Variants in RADIL observed in about 807,000 individuals in gnomAD.
The protein encoded by RADIL is ras-associating and dilute domain-containing protein.
Under a neutral mutation model 97.6 loss-of-function variants are expected in RADIL, and 99 were observed. The ratio of observed to expected loss-of-function variants is 1.01; its 90% confidence interval spans 0.86 to 1.20. The LOEUF is 1.20. RADIL is among the 50% of genes most tolerant of loss of function. RADIL has a pLI of 0.00. For synonymous variants in RADIL, 803 were observed against 691.8 expected, an observed-to-expected ratio of 1.16 and a Z score of -2.52; for missense variants, 1,765 against 1,498.9, an observed-to-expected ratio of 1.18 and a Z score of -2.93.
intron 2 of RADIL, among the ~76,000 whole-genome samples, chr7:4,876,228 A>C (rs1784373460): frequency 6.6e-6 from 1 of 151,982 alleles, no homozygotes; most frequent in South Asian, 2.1e-4. Context: ...GGCTCAAGCG[A>C]TCCTCCTACC....
chr7:4,828,311 T>C (rs1443115032), intron 5 of RADIL, among the ~76,000 whole-genome samples: 1 of 152,122 alleles, frequency 6.6e-6, no homozygotes, highest in Non-Finnish European at 1.5e-5. Context: ...ACACAAAAAT[T>C]AGCTGGGCAT....
intron 9 of RADIL, chr7:4,809,101 G>C: frequency 1.0e-6 from 1 of 984,124 alleles, no homozygotes; most frequent in Non-Finnish European, 1.2e-6. Flanking sequence ...CTCTGCTCAG[G>C]ATGCGGGGCG....
At position 4,847,739 on chromosome 7, in the gene RADIL, C is replaced by CAAAAAAAAAAAAAAA. The variant is rs56177809; in HGVS notation, c.536-11149_536-11135dup. Among the ~76,000 whole-genome samples, 10 of 23,794 alleles carry CAAAAAAAAAAAAAAA rather than the reference C, an allele frequency of 4.2e-4. 2 individuals are homozygous for CAAAAAAAAAAAAAAA. The highest frequency in any genetic ancestry group is 7.3e-4 in the Non-Finnish European group (10 of 13,608). The allele number at this position is 23,794 out of a possible 152,430, so 15.6% of individuals were successfully genotyped here. ...TATGCTACGTGAAAAAAGCTAGATG[C>CAAAAAAAAAAAAAAA]AAAAAAAAAAAAAAAAAAAAAAAAA... is the stretch of plus-strand genomic sequence containing the variant. On this transcript the variant is annotated intron_variant, in intron 2 of 14. Transcript: ENST00000399583.
At chr7:4,826,433 T>C (rs544911190) in intron 5 of RADIL, among the ~76,000 whole-genome samples, 1 of 151,516 alleles carries the variant, frequency 6.6e-6, no homozygotes, top group African/African-American at 2.4e-5. Flanking sequence ...AAGGGGAGTT[T>C]TTAAAAATCC....
At position 4,832,191 on chromosome 7, in the gene RADIL, A is replaced by T; in HGVS notation, c.1417-13T>A. On this transcript the variant is annotated splice_polypyrimidine_tract_variant and intron_variant, in intron 4 of 14. Coordinates refer to ENST00000399583, the MANE Select transcript of RADIL (RefSeq NM_018059.5). Reference sequence around the variant, plus strand: ...CTTTGGTTTTCTCCTACAATTACAAAGCGGGAGAAAAAGCAAGTGAGCAAA... The same window carrying T: ...CTTTGGTTTTCTCCTACAATTACAATGCGGGAGAAAAAGCAAGTGAGCAAA... The T allele has an allele frequency of 6.2e-7, 1 of 1,610,046 alleles. No homozygotes were observed. Among genetic ancestry groups the T allele is most frequent in the South Asian group, 1.1e-5 (1 of 90,330 alleles).
Position 4,813,669 on chromosome 7 carries a change from G to A in RADIL, c.2139+1609C>T, listed in dbSNP as rs556997458. 6.6e-6 allele frequency among the ~76,000 whole-genome samples: 1 copy of A among 152,246 alleles called. No homozygotes were observed. Among genetic ancestry groups the A allele is most frequent in the Non-Finnish European group, 1.5e-5 (1 of 68,052 alleles). On this transcript the variant is annotated intron_variant, in intron 9 of 14. Coordinates refer to ENST00000399583, the MANE Select transcript of RADIL (RefSeq NM_018059.5). The surrounding 1 kb of genome is among the most constrained non-coding windows in gnomAD (Gnocchi z 5.0). ...GGAAAAGCAACAGGAACTTCAGTCA[G>A]CTCTTTGTGGAGGCTCACTCTCTCC...
chr7:4,804,038 A>G (rs1201188355), intron 10 of RADIL: 1 of 480,998 alleles, frequency 2.1e-6, no homozygotes, highest in African/African-American at 1.9e-5. Flanking sequence ...GCCGCTCTGC[A>G]CTGGGCCTGT....
intron 5 of RADIL, among the ~76,000 whole-genome samples, chr7:4,826,744 A>C (rs868168963): frequency 0.019 from 2,762 of 148,602 alleles, 32 homozygotes; most frequent in Middle Eastern, 0.039. Context: ...AAAAAAAAAA[A>C]CAAAAAAAAA....
chr7:4,862,763 G>A (rs1156744092), intron 2 of RADIL, among the ~76,000 whole-genome samples: 1 of 152,058 alleles, frequency 6.6e-6, no homozygotes, highest in Non-Finnish European at 1.5e-5. Flanking sequence ...CGGGCGTGGT[G>A]GTGCATGCCT....
chr7:4,830,735 C>T lies in RADIL; in HGVS notation c.1454+1406G>A, dbSNP rs141711929. 3.3e-3 allele frequency among the ~76,000 whole-genome samples: 499 copies of T among 152,196 alleles called. 7 individuals are homozygous for T. Among genetic ancestry groups the T allele is most frequent in the African/African-American group, 0.011 (473 of 41,522 alleles). On this transcript the variant is annotated intron_variant, in intron 5 of 14. Transcript: ENST00000399583. ...TCTACTAAAAATACAAAATTAGCGGCTGGGCGCGGTGGTTCACACCTGTAA... is the reference window on the plus strand; with the variant it reads ...TCTACTAAAAATACAAAATTAGCGGTTGGGCGCGGTGGTTCACACCTGTAA...
chr7:4,852,835 G>A (rs537823987), intron 2 of RADIL, among the ~76,000 whole-genome samples: 69 of 152,228 alleles, frequency 4.5e-4, no homozygotes, highest in Admixed American at 2.0e-3. Flanking sequence ...GAGCCACCGC[G>A]CCTGGCCCAT....
intron 2 of RADIL, among the ~76,000 whole-genome samples, chr7:4,863,613 A>T (rs1169838521): frequency 6.6e-6 from 1 of 152,260 alleles, no homozygotes; most frequent in Non-Finnish European, 1.5e-5. Flanking sequence ...CCCCAAATAC[A>T]TGTAAGAGGA....
Position 4,878,802 on chromosome 7 carries a change from C to A in RADIL, c.-64-599G>T, listed in dbSNP as rs2115055040. On this transcript the variant is annotated intron_variant, in intron 1 of 14. Transcript: ENST00000399583. This position sits in a 1 kb window ranked among gnomAD's most constrained non-coding sequence, Gnocchi z 4.1. ...GCAGTGAGCATCAAGGAGCGCCCCA[C>A]CCGGAGCCGGCCCCAGCACCATCAC... Among the ~76,000 whole-genome samples the A allele has an allele frequency of 6.6e-6, 1 of 152,352 alleles. No homozygotes were observed. The highest frequency in any genetic ancestry group is 1.9e-4 in the East Asian group (1 of 5,178).
At chr7:4,804,354 TCTC>T (rs932321181) in intron 10 of RADIL, among the ~76,000 whole-genome samples, 7 of 152,306 alleles carry the variant, frequency 4.6e-5, no homozygotes, top group Admixed American at 4.6e-4. Flanking sequence ...TCAGAGATGT[TCTC>T]CACGGTGACC....
At chr7:4,846,355 C>T (rs1283840167) in intron 2 of RADIL, among the ~76,000 whole-genome samples, 3 of 151,962 alleles carry the variant, frequency 2.0e-5, no homozygotes, top group Non-Finnish European at 2.9e-5. Context: ...CCATGTTGTC[C>T]AGTGTGGTCT....
Position 4,805,516 on chromosome 7 carries a change from G to A in RADIL, c.2290+50C>T, listed in dbSNP as rs114617481. On this transcript the variant is annotated intron_variant, in intron 10 of 14. Coordinates refer to ENST00000399583, the MANE Select transcript of RADIL (RefSeq NM_018059.5). ...AGCATGCTGCCTCCAGCCTCGGGGC[G>A]AGTCTCCCACTGAGTCCCCAGCCCT... is the stretch of plus-strand genomic sequence containing the variant. 4.7e-3 allele frequency: 7,080 copies of A among 1,498,224 alleles called. 255 individuals carry two copies. In the African/African-American group the frequency reaches 0.083, roughly 18 times the overall value. The allele number at this position is 1,498,224 out of a possible 1,614,324, so 92.8% of individuals were successfully genotyped here. A position where few individuals can be genotyped will look rare whatever the true frequency, so the allele number is the denominator to read the frequency against.
At chr7:4,838,167 G>T in intron 2 of RADIL, 1 of 603,692 alleles carries the variant, frequency 1.7e-6, no homozygotes, top group Non-Finnish European at 2.1e-6. Flanking sequence ...ACCCGGCCCA[G>T]CCTGGCAGGC....
At chr7:4,866,309 T>G (rs756943289) in intron 2 of RADIL, among the ~76,000 whole-genome samples, 8 of 152,200 alleles carry the variant, frequency 5.3e-5, no homozygotes, top group Non-Finnish European at 1.0e-4. Context: ...ATCTTTGTTT[T>G]GATTGCCTGC....
In RADIL at chr7:4,797,723, T is replaced by G. The variant is rs1781961520; in HGVS notation, c.*1655A>C. 6.6e-6 allele frequency: 1 copy of G among 152,232 alleles called. No homozygotes were observed. The highest frequency in any genetic ancestry group is 1.5e-5 in the Non-Finnish European group (1 of 68,030). 9.4% of individuals were successfully genotyped at this position (152,232 alleles called of 1,614,324 possible). A position where few individuals can be genotyped will look rare whatever the true frequency, so the allele number is the denominator to read the frequency against. ...AGGCCAGGCATGGTAATCCCACGCC[T>G]GTAATCCCAGCACTTTGGGAGGGCA... On this transcript the variant is annotated 3_prime_UTR_variant, in exon 15 of 15. Coordinates refer to ENST00000399583, the MANE Select transcript of RADIL (RefSeq NM_018059.5).
Sources: allele counts gnomAD v4.1 joint callset (sites outside exome capture counted in the v4.1 genomes callset), GRCh38; gene constraint gnomAD v4.1.1; non-coding constraint Gnocchi (gnomAD v3.1); transcripts MANE v1.5; gene names NCBI Gene and HGNC (gene_info 2026-07-23, HGNC 2026-07-21).